ATP11A: variants seen among roughly 807,000 people sequenced by gnomAD.
ATP11A encodes the protein phospholipid-transporting ATPase IH.
A neutral mutation model predicts 154.4 loss-of-function variants in ATP11A; 81 were observed. That is an observed-to-expected ratio of 0.52 (90% CI 0.44 to 0.63). The LOEUF is 0.63. ATP11A is among the 30% of genes least tolerant of loss of function. The pLI, the probability that ATP11A is intolerant of heterozygous loss-of-function variation, is 0.00. For missense variants in ATP11A, 1,316 were observed against 1,474.3 expected (o/e 0.89, Z 1.76); for synonymous variants, 623 against 585.9 (o/e 1.06, Z -0.91).
chr13:112,871,178 TC>T (rs1377962578), intron 25 of ATP11A, among the ~76,000 whole-genome samples: 2 of 152,134 alleles, frequency 1.3e-5, no homozygotes, highest in Non-Finnish European at 2.9e-5. Context: ...CGCAGAACGT[TC>T]CCGCCGCTGT....
At position 112,767,896 on chromosome 13, in the gene ATP11A, C is replaced by T. The variant is rs537598025; in HGVS notation, c.40-17239C>T. ...CCCCTCGCAGCACTCAGGTGTGGCC[C>T]GTGGACTTGTGGTTTCGCTGCTGGC... is the stretch of plus-strand genomic sequence containing the variant. On this transcript the variant is annotated intron_variant, in intron 1 of 29. Transcript: ENST00000375645. 3.1e-4 allele frequency among the ~76,000 whole-genome samples: 47 copies of T among 152,196 alleles called. No homozygotes were observed. The South Asian group carries it at 8.3e-3, about 27-fold the overall frequency.
At chr13:112,771,919 G>A (rs896626578) in intron 1 of ATP11A, among the ~76,000 whole-genome samples, 1 of 152,182 alleles carries the variant, frequency 6.6e-6, no homozygotes, top group Non-Finnish European at 1.5e-5. Context: ...AGCAGACACC[G>A]GGAGCCCTGG....
intron 2 of ATP11A, among the ~76,000 whole-genome samples, chr13:112,788,539 T>C (rs1325387331): frequency 2.7e-5 from 4 of 146,750 alleles, no homozygotes; most frequent in South Asian, 2.2e-4. Context: ...GGTGTCCTGA[T>C]GCGTAGACTC....
At chr13:112,840,318 A>C (rs891019757) in intron 16 of ATP11A, among the ~76,000 whole-genome samples, 8 of 39,712 alleles carry the variant, frequency 2.0e-4, no homozygotes, top group Non-Finnish European at 2.6e-4. Flanking sequence ...CAGCCTCCCC[A>C]CTCTCCCGTG....
At chr13:112,869,250 G>A (rs1457444376) in intron 25 of ATP11A, among the ~76,000 whole-genome samples, 1 of 152,214 alleles carries the variant, frequency 6.6e-6, no homozygotes, top group East Asian at 1.9e-4. Flanking sequence ...CGTTTCTCAG[G>A]GGCCCTGACC....
chr13:112,819,557 T>C lies in ATP11A; in HGVS notation c.674+150T>C, dbSNP rs1430026446. 6 of 674,546 alleles carry C rather than the reference T, an allele frequency of 8.9e-6. No individual in the cohort carries two copies. The East Asian group carries it at 1.6e-4, about 18-fold the overall frequency. 41.8% of individuals were successfully genotyped at this position (674,546 alleles called of 1,614,324 possible). On this transcript the variant is annotated intron_variant, in intron 7 of 29. Transcript: ENST00000375645. ...GATTAAGACTGAGTCAAAAATACATTACTTATTTATTCTCATAGACTTGTA... is the reference window on the plus strand; with the variant it reads ...GATTAAGACTGAGTCAAAAATACATCACTTATTTATTCTCATAGACTTGTA...
At chr13:112,850,956 G>T in intron 17 of ATP11A, 81 bp from the exon 18 acceptor site, 1 of 1,326,332 alleles carries the variant, frequency 7.5e-7, no homozygotes, top group Non-Finnish European at 1.1e-6. Context: ...TGAGAGAAGG[G>T]ATACTGGGAA....
chr13:112,809,863 C>G (rs1215260131), intron 4 of ATP11A, among the ~76,000 whole-genome samples: 3 of 152,196 alleles, frequency 2.0e-5, no homozygotes, highest in Admixed American at 1.3e-4. Context: ...ACTGTCCAAC[C>G]AGAGGGTGTG....
Position 112,880,430 on chromosome 13 carries a change from A to G in ATP11A, c.*10-1446A>G, listed in dbSNP as rs539966661. 36 of 929,826 alleles carry G rather than the reference A, an allele frequency of 3.9e-5. No individual in the cohort carries two copies. In the African/African-American group the frequency reaches 5.2e-4, roughly 14 times the overall value. The allele number at this position is 929,826 out of a possible 1,614,324, so 57.6% of individuals were successfully genotyped here. ...TCCATGACACCCCATGCAGACTCCA[A>G]CAGGGGCTTCGAGCCTCTTCCTGCT... On this transcript the variant is annotated intron_variant, in intron 29 of 29. Coordinates refer to ENST00000375645, the MANE Select transcript of ATP11A (RefSeq NM_015205.3).
At chr13:112,877,384 T>G (rs1319148840) in intron 28 of ATP11A, among the ~76,000 whole-genome samples, 1 of 152,222 alleles carries the variant, frequency 6.6e-6, no homozygotes, top group South Asian at 2.1e-4. Flanking sequence ...CTGAGCTCTT[T>G]AGCTGTGCAG....
intron 1 of ATP11A, among the ~76,000 whole-genome samples, chr13:112,784,812 C>T (rs1033149670): frequency 6.6e-6 from 1 of 152,204 alleles, no homozygotes. Flanking sequence ...CGTGAGCCGC[C>T]GCGCCCGGCC....
At chr13:112,876,525 C>T (rs2080729753) in intron 28 of ATP11A, among the ~76,000 whole-genome samples, 1 of 152,200 alleles carries the variant, frequency 6.6e-6, no homozygotes, top group African/African-American at 2.4e-5. Flanking sequence ...GAGGCAGTGA[C>T]CACGACCCAC....
intron 1 of ATP11A, among the ~76,000 whole-genome samples, chr13:112,695,133 C>T (rs1049130801): frequency 5.3e-5 from 8 of 152,148 alleles, no homozygotes; most frequent in African/African-American, 1.4e-4. Flanking sequence ...CAGGATTAGA[C>T]GATCCAGTGG....
chr13:112,800,120 C>T (rs918507524), intron 2 of ATP11A, among the ~76,000 whole-genome samples: 1 of 151,270 alleles, frequency 6.6e-6, no homozygotes, highest in Non-Finnish European at 1.5e-5. Context: ...CATTAGGAAA[C>T]TTAACAAAAA....
intron 2 of ATP11A, among the ~76,000 whole-genome samples, chr13:112,795,465 C>T (rs1405419367): frequency 6.6e-6 from 1 of 152,194 alleles, no homozygotes; most frequent in East Asian, 1.9e-4. Flanking sequence ...CAGCTTGTGG[C>T]CAGCCTGTTG....
At chr13:112,816,543 A>T (rs2078651200) in intron 6 of ATP11A, among the ~76,000 whole-genome samples, 1 of 152,186 alleles carries the variant, frequency 6.6e-6, no homozygotes, top group African/African-American at 2.4e-5. Flanking sequence ...CCTGGCACCC[A>T]TGCAGGAGCA....
At position 112,823,534 on chromosome 13, in the gene ATP11A, C is replaced by T. The variant is rs574689150; in HGVS notation, c.790+125C>T. 2.6e-4 allele frequency: 176 copies of T among 688,506 alleles called. No individual in the cohort carries two copies. The South Asian group carries it at 2.9e-3, about 11-fold the overall frequency. 42.6% of individuals were successfully genotyped at this position (688,506 alleles called of 1,614,324 possible). ...CTTGAGGTGCTGGAGGCTTTCTGGC[C>T]GCGCAAGTTCTGCCCCACTGAGATT... is the stretch of plus-strand genomic sequence containing the variant. On this transcript the variant is annotated intron_variant, in intron 9 of 29. Transcript: ENST00000375645.
At position 112,759,033 on chromosome 13, in the gene ATP11A, G is replaced by T. The variant is rs540290470; in HGVS notation, c.40-26102G>T. On this transcript the variant is annotated intron_variant, in intron 1 of 29. Transcript: ENST00000375645. ...GTAACATTTATATTTTGTCACTTCCGTGGGTAAACATAACACCAAATACTT... is the reference window on the plus strand; with the variant it reads ...GTAACATTTATATTTTGTCACTTCCTTGGGTAAACATAACACCAAATACTT... Among the ~76,000 whole-genome samples, 6 of 152,284 alleles carry T rather than the reference G, an allele frequency of 3.9e-5. No individual in the cohort carries two copies. In the South Asian group the frequency reaches 1.0e-3, roughly 26 times the overall value.
intron 1 of ATP11A, among the ~76,000 whole-genome samples, chr13:112,755,859 T>C (rs1249774107): frequency 1.3e-5 from 1 of 78,328 alleles, no homozygotes; most frequent in East Asian, 3.4e-4. Flanking sequence ...CCCAGAACCA[T>C]TTCCGGTCAC....
Sources: gnomAD v4.1 joint callset for allele counts (sites outside exome capture counted in the v4.1 genomes callset) on GRCh38, gnomAD v4.1.1 for gene constraint, MANE v1.5 for transcripts, NCBI Gene and HGNC (gene_info 2026-07-23, HGNC 2026-07-21) for gene names.